The following CSMD2 variants were observed in gnomAD, a reference collection of about 807,000 sequenced individuals.
CSMD2 encodes CUB and sushi domain-containing protein 2.
In CSMD2, 130 loss-of-function variants were observed where a neutral mutation model predicts 398.5. The ratio of observed to expected loss-of-function variants is 0.33; its 90% CI spans 0.28 to 0.38. The LOEUF is 0.38. CSMD2 is among the 10% of genes least tolerant of loss of function. The probability of loss-of-function intolerance (pLI) is 1.00; values close to 1 mark genes in which losing one functional copy is unlikely to be tolerated. For missense variants in CSMD2, 3,829 were observed against 4,764.9 expected (o/e 0.80, Z 5.78); for synonymous variants, 1,828 against 1,908.5 (o/e 0.96, Z 1.10).
At chr1:34,097,104 G>A (rs1659404528) in intron 1 of CSMD2, among the ~76,000 whole-genome samples, 1 of 141,296 alleles carries the variant, frequency 7.1e-6, no homozygotes, top group Non-Finnish European at 1.5e-5. Flanking sequence ...CAGAAATAAC[G>A]CCGCATATCT....
intron 5 of CSMD2, among the ~76,000 whole-genome samples, chr1:33,889,918 T>C (rs1323224710): frequency 6.6e-6 from 1 of 152,070 alleles, no homozygotes; most frequent in African/African-American, 2.4e-5. Context: ...CTCTCAGGTA[T>C]GCTTTGAATT....
At chr1:33,911,052 C>G (rs1178763135) in intron 5 of CSMD2, among the ~76,000 whole-genome samples, 2 of 152,108 alleles carry the variant, frequency 1.3e-5, no homozygotes, top group Non-Finnish European at 2.9e-5. Context: ...GCCTCTTTGC[C>G]CCGACTGTGA....
intron 25 of CSMD2, among the ~76,000 whole-genome samples, chr1:33,687,994 C>T (rs116737113): frequency 1.4e-4 from 22 of 152,310 alleles, no homozygotes; most frequent in Non-Finnish European, 2.6e-4. Flanking sequence ...CGTGGGGTAG[C>T]AGGCCTTCCC....
At chr1:34,044,547 C>A (rs1163097200) in intron 2 of CSMD2, among the ~76,000 whole-genome samples, 1 of 139,104 alleles carries the variant, frequency 7.2e-6, no homozygotes, top group Non-Finnish European at 1.6e-5. Context: ...GCTATGTCAG[C>A]CATGAGGCTG....
At chr1:33,933,066 T>C (rs181213499) in intron 4 of CSMD2, among the ~76,000 whole-genome samples, 1 of 152,334 alleles carries the variant, frequency 6.6e-6, no homozygotes, top group Admixed American at 6.5e-5. Context: ...GCTCATACTT[T>C]CATTTTAAGT....
At chr1:33,561,384 A>T (rs181756836) in intron 53 of CSMD2, among the ~76,000 whole-genome samples, 1 of 152,322 alleles carries the variant, frequency 6.6e-6, no homozygotes, top group Non-Finnish European at 1.5e-5. Context: ...GGGTCTAAGG[A>T]TAATTCACTT....
chr1:33,684,066 G>C (rs1345036018), intron 25 of CSMD2, among the ~76,000 whole-genome samples: 2 of 152,182 alleles, frequency 1.3e-5, no homozygotes, highest in East Asian at 3.9e-4. Context: ...CTGGAGGGAG[G>C]CAACACTGAC....
intron 5 of CSMD2, among the ~76,000 whole-genome samples, chr1:33,883,930 G>A (rs1641408530): frequency 6.6e-6 from 1 of 152,190 alleles, no homozygotes; most frequent in South Asian, 2.1e-4. Context: ...GGATGAGCTG[G>A]GCAGGGCGGG....
chr1:33,622,141 T>A (rs1322769996), intron 37 of CSMD2, 26 bp downstream of exon 37: 1 of 1,565,850 alleles, frequency 6.4e-7, no homozygotes, highest in South Asian at 1.1e-5. Context: ...CTGAACCCTG[T>A]ACCAGCCAAG....
Position 33,617,514 on chromosome 1 carries a change from C to T in CSMD2, c.5931G>A (p.Pro1977=), listed in dbSNP as rs189189242. 95 of 1,613,728 alleles carry T rather than the reference C, an allele frequency of 5.9e-5. No homozygotes were observed. The highest frequency in any genetic ancestry group is 2.4e-4 in the African/African-American group (18 of 74,988). ...GGGGAGGTACCTGGAGGGCATATCC[C>T]GGCTCACACTGGAAAGACACCACAT... The part of the protein sequence containing the change: ...VNDVVSFQCE[P]GYALQGHAHI... Residue 1977 remains proline (P), a synonymous_variant, in exon 38 of 71, where the codon CCG becomes CCA. Coordinates refer to ENST00000373381, the MANE Select transcript of CSMD2 (RefSeq NM_001281956.2).
intron 3 of CSMD2, among the ~76,000 whole-genome samples, chr1:33,977,737 T>A (rs978661354): frequency 2.6e-5 from 4 of 151,964 alleles, no homozygotes; most frequent in African/African-American, 9.7e-5. Flanking sequence ...CCCTGTGGAA[T>A]AAGAGCCCAA....
At chr1:33,922,035 G>A (rs924086984) in intron 4 of CSMD2, among the ~76,000 whole-genome samples, 5 of 152,148 alleles carry the variant, frequency 3.3e-5, no homozygotes, top group Admixed American at 2.0e-4. Context: ...AATGGATGGT[G>A]AAGGAGAGAG....
At chr1:33,768,501 C>T (rs147717654) in intron 13 of CSMD2, among the ~76,000 whole-genome samples, 3 of 151,580 alleles carry the variant, frequency 2.0e-5, no homozygotes, top group Non-Finnish European at 4.4e-5. Flanking sequence ...TCTTGCAGAT[C>T]CCATTACCCA....
chr1:33,754,641 G>T (rs1648740222), intron 13 of CSMD2, among the ~76,000 whole-genome samples: 1 of 152,328 alleles, frequency 6.6e-6, no homozygotes, highest in South Asian at 2.1e-4. Context: ...TTTCAATTAT[G>T]TGCAAGTGTG....
At chr1:33,781,438 T>C (rs1462661765) in intron 12 of CSMD2, among the ~76,000 whole-genome samples, 2 of 152,242 alleles carry the variant, frequency 1.3e-5, no homozygotes, top group Non-Finnish European at 2.9e-5. Context: ...GCTGTCCTTG[T>C]AGCCTCAGTG....
At chr1:33,560,316 C>G (rs1021181162) in intron 53 of CSMD2, among the ~76,000 whole-genome samples, 1 of 152,130 alleles carries the variant, frequency 6.6e-6, no homozygotes, top group Non-Finnish European at 1.5e-5. Flanking sequence ...AATATTTGGG[C>G]CTCCACCTAC....
intron 2 of CSMD2, among the ~76,000 whole-genome samples, chr1:34,070,437 C>T (rs143213746): frequency 6.6e-6 from 1 of 152,326 alleles, no homozygotes; most frequent in East Asian, 1.9e-4. Context: ...GGAGAAAATG[C>T]TAAGAACTCA....
At chr1:33,694,458 G>C (rs1174551635) in intron 24 of CSMD2, among the ~76,000 whole-genome samples, 1 of 152,086 alleles carries the variant, frequency 6.6e-6, no homozygotes, top group Non-Finnish European at 1.5e-5. Context: ...CTGGATCATG[G>C]GGCCAGTTTT....
chr1:33,902,882 T>C (rs907040534), intron 5 of CSMD2, among the ~76,000 whole-genome samples: 1 of 152,080 alleles, frequency 6.6e-6, no homozygotes, highest in Non-Finnish European at 1.5e-5. Flanking sequence ...GCCAGAGACA[T>C]AGAGCACTAT....
Sources: gnomAD v4.1 joint callset for allele counts (sites outside exome capture counted in the v4.1 genomes callset) on GRCh38, gnomAD v4.1.1 for gene constraint, MANE v1.5 for transcripts, NCBI Gene and HGNC (gene_info 2026-07-23, HGNC 2026-07-21) for gene names.